The following PXDNL variants were observed in gnomAD, a reference collection of about 807,000 sequenced individuals.
The protein encoded by PXDNL is probable oxidoreductase PXDNL.
In PXDNL, 145 loss-of-function variants were observed where a neutral mutation model predicts 150.8. That is an observed-to-expected ratio of 0.96 (90% CI 0.84 to 1.10). PXDNL has a LOEUF of 1.10. Among genes scored for constraint, PXDNL ranks in the 50% least tolerant of loss-of-function variants. PXDNL has a pLI of 0.00. For missense variants in PXDNL, 2,087 were observed against 1,873.9 expected (o/e 1.11, Z -2.10); for synonymous variants, 757 against 725.7 (o/e 1.04, Z -0.69).
chr8:51,669,133 A>C (rs939426731), intron 1 of PXDNL, among the ~76,000 whole-genome samples: 23 of 152,232 alleles, frequency 1.5e-4, no homozygotes, highest in African/African-American at 5.3e-4. Flanking sequence ...AGGTGAACTA[A>C]AAACAATTAT....
intron 5 of PXDNL, among the ~76,000 whole-genome samples, chr8:51,492,856 G>A (rs1277104014): frequency 6.6e-6 from 1 of 152,202 alleles, no homozygotes; most frequent in Non-Finnish European, 1.5e-5. Flanking sequence ...ACCTCTGGGG[G>A]CAGGGCATAG....
At chr8:51,426,990 T>C (rs1377190580) in intron 12 of PXDNL, among the ~76,000 whole-genome samples, 1 of 152,242 alleles carries the variant, frequency 6.6e-6, no homozygotes, top group Non-Finnish European at 1.5e-5. Context: ...AAACTTTAAC[T>C]ACATTTGTAT....
At chr8:51,362,760 A>G (rs1478952347) in intron 19 of PXDNL, among the ~76,000 whole-genome samples, 1 of 152,232 alleles carries the variant, frequency 6.6e-6, no homozygotes, top group Non-Finnish European at 1.5e-5. Context: ...GGGATAGTCT[A>G]AAGAGAGAAA....
intron 1 of PXDNL, 100 bp downstream of exon 1, chr8:51,809,081 G>T: frequency 1.6e-6 from 2 of 1,239,128 alleles, no homozygotes; most frequent in Non-Finnish European, 2.3e-6. Flanking sequence ...ATACAAGCAG[G>T]GAGAGCATTA....
intron 1 of PXDNL, among the ~76,000 whole-genome samples, chr8:51,697,316 G>A (rs557301318): frequency 6.6e-6 from 1 of 151,106 alleles, no homozygotes; most frequent in Non-Finnish European, 1.5e-5. Flanking sequence ...CGGGGTGGGG[G>A]TGGGTTGTGA....
intron 1 of PXDNL, among the ~76,000 whole-genome samples, chr8:51,744,766 GAAGGAGAGAAAGAA>G (rs2036958335): frequency 1.0e-4 from 1 of 9,838 alleles, no homozygotes; most frequent in Non-Finnish European, 4.4e-3. Flanking sequence ...GAGAAAGAAG[GAAGGAGAGAAAGAA>G]AAGAGAGAAA....
rs539170114 is a variant in PXDNL at position 51,722,861 on chromosome 8, A to C, written c.165-68101T>G. On this transcript the variant is annotated intron_variant, in intron 1 of 22. Transcript: ENST00000356297. The stretch of plus-strand genomic sequence containing the variant: ...TTCTATTTTAGGGAGCAAAAATAGG[A>C]GTGCCTGTTCTCATTTAGGGCCATG... Among the ~76,000 whole-genome samples the C allele has an allele frequency of 8.1e-4, 123 of 152,128 alleles. 1 individual carries two copies. The South Asian group carries it at 0.023, about 29-fold the overall frequency.
rs377729716 is a variant in PXDNL at position 51,700,912 on chromosome 8, C to T, written c.165-46152G>A. ...TACACAATATACTCCTATACATACA[C>T]AATATACTCATATACATACACAATA... On this transcript the variant is annotated intron_variant, in intron 1 of 22. Coordinates refer to ENST00000356297, the MANE Select transcript of PXDNL (RefSeq NM_144651.5). 2.0e-5 allele frequency among the ~76,000 whole-genome samples: 3 copies of T among 151,736 alleles called. No individual in the cohort carries two copies. The East Asian group carries it at 5.8e-4, about 29-fold the overall frequency.
intron 1 of PXDNL, among the ~76,000 whole-genome samples, chr8:51,659,212 A>G (rs921567068): frequency 1.3e-5 from 2 of 152,212 alleles, no homozygotes; most frequent in Non-Finnish European, 2.9e-5. Flanking sequence ...CAACCCTTGT[A>G]TAACACAATT....
At position 51,413,261 on chromosome 8, in the gene PXDNL, T is replaced by C. The variant is rs780337646; in HGVS notation, c.1796-3A>G. The C allele has an allele frequency of 3.4e-5, 53 of 1,568,250 alleles. No homozygotes were observed. The highest frequency in any genetic ancestry group is 4.5e-5 in the Non-Finnish European group (51 of 1,140,670). Reference sequence around the variant, plus strand: ...GCCAGCTTGTCTACCCTGTATAGCTTTGAAAATCAATTCCATGATTAAAAA... The same window carrying C: ...GCCAGCTTGTCTACCCTGTATAGCTCTGAAAATCAATTCCATGATTAAAAA... On this transcript the variant is annotated splice_polypyrimidine_tract_variant and splice_region_variant and intron_variant, in intron 14 of 22. Transcript: ENST00000356297.
chr8:51,512,958 G>A (rs1192364487), intron 4 of PXDNL, among the ~76,000 whole-genome samples: 1 of 152,022 alleles, frequency 6.6e-6, no homozygotes, highest in Non-Finnish European at 1.5e-5. Flanking sequence ...GCCCAACCTA[G>A]GTTCTGTTCC....
chr8:51,749,728 G>C (rs930892446), intron 1 of PXDNL, among the ~76,000 whole-genome samples: 1 of 152,222 alleles, frequency 6.6e-6, no homozygotes, highest in African/African-American at 2.4e-5. Flanking sequence ...TTGAGGCAGA[G>C]TCTTACTCTG....
intron 21 of PXDNL, among the ~76,000 whole-genome samples, chr8:51,334,767 G>T: frequency 6.6e-6 from 1 of 152,064 alleles, no homozygotes; most frequent in East Asian, 1.9e-4. Flanking sequence ...AAGAAAAAAT[G>T]TTTATTCCTT....
intron 21 of PXDNL, among the ~76,000 whole-genome samples, chr8:51,324,752 G>GT (rs1393339306): frequency 6.6e-6 from 1 of 151,952 alleles, no homozygotes; most frequent in Non-Finnish European, 1.5e-5. Context: ...TGTTATTGTA[G>GT]TTTTCAGTTC....
intron 2 of PXDNL, among the ~76,000 whole-genome samples, chr8:51,609,993 A>T (rs1813963724): frequency 6.6e-6 from 1 of 151,272 alleles, no homozygotes; most frequent in African/African-American, 2.4e-5. Flanking sequence ...ATCAAGTTGC[A>T]AGGTCACATG....
At chr8:51,445,157 T>C (rs1809646658) in intron 12 of PXDNL, among the ~76,000 whole-genome samples, 1 of 152,126 alleles carries the variant, frequency 6.6e-6, no homozygotes, top group South Asian at 2.1e-4. Context: ...TGATCTCAGG[T>C]GATCCACTAG....
intron 2 of PXDNL, among the ~76,000 whole-genome samples, chr8:51,609,468 T>C (rs80330215): frequency 0.014 from 2,202 of 152,212 alleles, 60 homozygotes; most frequent in African/African-American, 0.047. Context: ...TAATTCCATG[T>C]TGGGAGGGGT....
intron 1 of PXDNL, among the ~76,000 whole-genome samples, chr8:51,780,443 C>G (rs747642000): frequency 3.9e-5 from 6 of 152,052 alleles, no homozygotes; most frequent in Non-Finnish European, 7.4e-5. Context: ...TCAAGAAACA[C>G]TGTTCTAGGA....
At chr8:51,348,651 CAT>C (rs1247089159) in intron 19 of PXDNL, among the ~76,000 whole-genome samples, 1 of 152,094 alleles carries the variant, frequency 6.6e-6, no homozygotes, top group African/African-American at 2.4e-5. Flanking sequence ...CATATGCATA[CAT>C]ATATATCTAT....
Sources: gnomAD v4.1 joint callset for allele counts (sites outside exome capture counted in the v4.1 genomes callset) on GRCh38, gnomAD v4.1.1 for gene constraint, MANE v1.5 for transcripts, NCBI Gene and HGNC (gene_info 2026-07-23, HGNC 2026-07-21) for gene names.